The following PFKFB3 variants were observed in gnomAD, a reference collection of about 807,000 sequenced individuals.
PFKFB3 encodes 6-phosphofructo-2-kinase/fructose-2,6-bisphosphatase 3.
PFKFB3 carries 33 observed loss-of-function variants against 68.0 expected under a neutral mutation model. The ratio of observed to expected loss-of-function variants is 0.49; its 90% CI spans 0.37 to 0.65. The LOEUF (loss-of-function observed/expected upper bound fraction) is 0.65, where lower values mean the gene tolerates loss of function less well. Among genes scored for constraint, PFKFB3 ranks in the 30% least tolerant of loss-of-function variants. The pLI is 0.00. For missense variants in PFKFB3, 586 were observed against 712.2 expected, an observed-to-expected ratio of 0.82 and a Z score of 2.02; for synonymous variants, 315 against 288.2, an observed-to-expected ratio of 1.09 and a Z score of -0.94.
At chr10:6,146,016 G>C (rs1272486237) in intron 1 of PFKFB3, among the ~76,000 whole-genome samples, 2 of 152,192 alleles carry the variant, frequency 1.3e-5, no homozygotes, top group African/African-American at 2.4e-5. Context: ...AATCAGAGTT[G>C]TGTGACTCCT....
chr10:6,226,143 C>G (rs771011210), intron 13 of PFKFB3, 49 bp from the exon 14 acceptor site: 1 of 1,478,296 alleles, frequency 6.8e-7, no homozygotes, highest in South Asian at 1.3e-5. Flanking sequence ...ATTTTCCTCC[C>G]CTTCTTTGTA....
intron 5 of PFKFB3, 82 bp downstream of exon 5, chr10:6,216,862 C>T (rs1205158570): frequency 3.4e-6 from 3 of 881,712 alleles, no homozygotes; most frequent in Non-Finnish European, 3.6e-6. Context: ...CCTGCTTGGT[C>T]CTTCCCCTCC....
At chr10:6,180,193 G>A (rs1407066978) in intron 1 of PFKFB3, among the ~76,000 whole-genome samples, 1 of 144,538 alleles carries the variant, frequency 6.9e-6, no homozygotes, top group Non-Finnish European at 1.5e-5. Context: ...AAAAAAAAAT[G>A]CTGTAATTGA....
chr10:6,166,340 G>T (rs1337561354), intron 1 of PFKFB3, among the ~76,000 whole-genome samples: 1 of 151,702 alleles, frequency 6.6e-6, no homozygotes, highest in South Asian at 2.1e-4. Flanking sequence ...TGATCCACCC[G>T]CCTTAGGCTC....
Position 6,219,628 on chromosome 10 carries a change from C to T in PFKFB3, c.558C>T (p.Asp186=). The change falls in exon 7 of 15, where the codon GAC becomes GAT. Residue 186 remains aspartate, a synonymous_variant. Transcript: ENST00000379775. ...GCAACTCGGCAGAAGCCATGGACGACTTCATGAAGAGGATCAGTTGCTATG... is the reference window on the plus strand; with the variant it reads ...GCAACTCGGCAGAAGCCATGGACGATTTCATGAAGAGGATCAGTTGCTATG... ...KDCNSAEAMD[D]FMKRISCYEA... 1 of 1,613,966 alleles carries T rather than the reference C, an allele frequency of 6.2e-7. No individual in the cohort carries two copies.
At chr10:6,223,519 G>A (rs1165744804) in intron 11 of PFKFB3, among the ~76,000 whole-genome samples, 3 of 152,274 alleles carry the variant, frequency 2.0e-5, no homozygotes, top group East Asian at 1.9e-4. Context: ...GCTGCTGCCC[G>A]GGACAGCTTG....
intron 14 of PFKFB3, among the ~76,000 whole-genome samples, chr10:6,251,553 G>C (rs1846381447): frequency 6.6e-6 from 1 of 152,232 alleles, no homozygotes; most frequent in South Asian, 2.1e-4. Flanking sequence ...CGCAAGAAGA[G>C]AGAGATGAAT....
the PFKFB3 span, among the ~76,000 whole-genome samples, chr10:6,306,650 A>G: frequency 6.6e-6 from 1 of 152,162 alleles, no homozygotes; most frequent in Non-Finnish European, 1.5e-5. Flanking sequence ...AGGAGATAAC[A>G]CCTTTACTCC....
intron 1 of PFKFB3, among the ~76,000 whole-genome samples, chr10:6,176,958 G>A (rs773287636): frequency 8.5e-5 from 13 of 152,310 alleles, no homozygotes; most frequent in African/African-American, 2.2e-4. Flanking sequence ...GACAGGAGAC[G>A]GCTGTCACTG....
chr10:6,221,356 G>C, intron 8 of PFKFB3, 25 bp from the exon 9 acceptor site: 1 of 1,612,902 alleles, frequency 6.2e-7, no homozygotes, highest in Non-Finnish European at 8.5e-7. Context: ...TCTGGAATCA[G>C]TGGTCCCCCT....
chr10:6,289,097 G>C, the PFKFB3 span, among the ~76,000 whole-genome samples: 3,831 of 146,944 alleles, frequency 0.026, 197 homozygotes, highest in African/African-American at 0.094. Flanking sequence ...GTAGATTCTG[G>C]ATATTAGCCT....
At chr10:6,291,956 T>G in the PFKFB3 span, among the ~76,000 whole-genome samples, 1 of 145,552 alleles carries the variant, frequency 6.9e-6, no homozygotes, top group East Asian at 2.0e-4. Context: ...TTTTTTTTTT[T>G]TTTTTTTTTT....
intron 6 of PFKFB3, among the ~76,000 whole-genome samples, chr10:6,218,930 C>G (rs1844768894): frequency 6.6e-6 from 1 of 152,190 alleles, no homozygotes; most frequent in African/African-American, 2.4e-5. Context: ...AGAAAAAGAG[C>G]CCAGGCATTC....
chr10:6,297,194 A>C, the PFKFB3 span, among the ~76,000 whole-genome samples: 1 of 152,244 alleles, frequency 6.6e-6, no homozygotes, highest in Non-Finnish European at 1.5e-5. Context: ...TGTTTGGCTA[A>C]GTGCTGGAAG....
intron 1 of PFKFB3, among the ~76,000 whole-genome samples, chr10:6,180,203 ACATT>A (rs1197040363): frequency 1.8e-5 from 2 of 110,176 alleles, no homozygotes; most frequent in East Asian, 5.5e-4. Context: ...GCTGTAATTG[ACATT>A]CTTTTTAATG....
At chr10:6,226,043 A>G (rs1845324684) in intron 13 of PFKFB3, 149 bp from the exon 14 acceptor site, 6 of 658,496 alleles carry the variant, frequency 9.1e-6, no homozygotes, top group African/African-American at 1.9e-5. Flanking sequence ...TCAGCAGCCC[A>G]TGGTCCCTGG....
intron 1 of PFKFB3, among the ~76,000 whole-genome samples, chr10:6,212,447 T>A (rs1844291816): frequency 6.6e-6 from 1 of 152,212 alleles, no homozygotes; most frequent in Non-Finnish European, 1.5e-5. Context: ...TCTCCAGGTT[T>A]CCTGGAGACA....
intron 1 of PFKFB3, among the ~76,000 whole-genome samples, chr10:6,165,078 C>A (rs1174405110): frequency 2.0e-5 from 3 of 152,170 alleles, no homozygotes; most frequent in Non-Finnish European, 4.4e-5. Flanking sequence ...TCTTTCCCTT[C>A]CCAGGAGGCC....
intron 1 of PFKFB3, among the ~76,000 whole-genome samples, chr10:6,165,352 A>C (rs1842100700): frequency 6.6e-6 from 1 of 152,248 alleles, no homozygotes; most frequent in Non-Finnish European, 1.5e-5. Flanking sequence ...GGTTAACAGC[A>C]TCTCAAAGCA....
Sources: gnomAD v4.1 joint callset for allele counts (sites outside exome capture counted in the v4.1 genomes callset) on GRCh38, gnomAD v4.1.1 for gene constraint, MANE v1.5 for transcripts, NCBI Gene and HGNC (gene_info 2026-07-23, HGNC 2026-07-21) for gene names.